Variants in EGF observed in about 807,000 individuals in gnomAD.
The protein encoded by EGF is pro-epidermal growth factor.
In EGF, 95 loss-of-function variants were observed where a neutral mutation model predicts 143.8. The observed-to-expected ratio is 0.66, with a 90% confidence interval of 0.56 to 0.78. The LOEUF is 0.78. EGF is among the 30% of genes least tolerant of loss of function. The probability of loss-of-function intolerance (pLI) is 0.00; values close to 1 mark genes in which losing one functional copy is unlikely to be tolerated. For missense variants in EGF, 1,320 were observed against 1,470.9 expected (o/e 0.90, Z 1.68); for synonymous variants, 510 against 510.5 (o/e 1.00, Z 0.01).
intron 18 of EGF, 35 bp from the exon 19 acceptor site, chr4:109,993,212 C>T: frequency 2.5e-6 from 4 of 1,612,186 alleles, no homozygotes; most frequent in South Asian, 1.1e-5. Flanking sequence ...TTCTGTACCC[C>T]ACTTTTCTCT....
chr4:110,007,837 T>C (rs933361079), intron 22 of EGF, among the ~76,000 whole-genome samples: 1 of 152,226 alleles, frequency 6.6e-6, no homozygotes, highest in Non-Finnish European at 1.5e-5. Context: ...AGAATACTTA[T>C]GGATTCTTGG....
chr4:109,933,040 A>C (rs1740067959), intron 1 of EGF, among the ~76,000 whole-genome samples: 1 of 152,202 alleles, frequency 6.6e-6, no homozygotes, highest in African/African-American at 2.4e-5. Flanking sequence ...AAGCAATGGC[A>C]AACGATATAC....
At chr4:109,937,108 G>T (rs113384470) in intron 1 of EGF, among the ~76,000 whole-genome samples, 1 of 151,508 alleles carries the variant, frequency 6.6e-6, no homozygotes, top group Non-Finnish European at 1.5e-5. Context: ...TTTCTTTCTC[G>T]TTGGTCTAAT....
At chr4:109,938,430 G>A (rs1741269271) in intron 1 of EGF, among the ~76,000 whole-genome samples, 1 of 152,038 alleles carries the variant, frequency 6.6e-6, no homozygotes, top group Admixed American at 6.6e-5. Flanking sequence ...TTTTTTCAAG[G>A]TTTTTAGCTT....
chr4:110,004,960 A>G (rs1453574181), intron 22 of EGF, among the ~76,000 whole-genome samples: 1 of 151,318 alleles, frequency 6.6e-6, no homozygotes, highest in Non-Finnish European at 1.5e-5. Context: ...CATTCCAGAT[A>G]CATGTCTTAA....
chr4:109,986,850 C>A (rs1172876237), intron 16 of EGF, among the ~76,000 whole-genome samples: 1 of 152,072 alleles, frequency 6.6e-6, no homozygotes, highest in East Asian at 1.9e-4. Flanking sequence ...CCATTTACTG[C>A]ACTTAACTTG....
chr4:109,942,598 A>G (rs758230495), intron 2 of EGF, among the ~76,000 whole-genome samples: 2 of 152,198 alleles, frequency 1.3e-5, no homozygotes, highest in African/African-American at 4.8e-5. Context: ...TCCATTCCCC[A>G]AGAAGACCAG....
At chr4:110,008,894 A>G (rs1387758771) in intron 23 of EGF, among the ~76,000 whole-genome samples, 1 of 152,216 alleles carries the variant, frequency 6.6e-6, no homozygotes, top group Non-Finnish European at 1.5e-5. Context: ...TTCACAGGCC[A>G]GAGGACATTG....
At chr4:109,988,091 A>G (rs1750408626) in intron 17 of EGF, among the ~76,000 whole-genome samples, 2 of 152,150 alleles carry the variant, frequency 1.3e-5, no homozygotes, top group Admixed American at 1.3e-4. Context: ...TACACAATAT[A>G]TGCAGTTGTC....
At chr4:110,001,599 T>C in intron 21 of EGF, 3 of 984,972 alleles carry the variant, frequency 3.0e-6, no homozygotes, top group South Asian at 4.7e-5. Context: ...TTCCTATTTG[T>C]TGTGTTATGA....
At chr4:109,938,409 T>A (rs1013600816) in intron 1 of EGF, among the ~76,000 whole-genome samples, 1 of 152,204 alleles carries the variant, frequency 6.6e-6, no homozygotes, top group African/African-American at 2.4e-5. Flanking sequence ...TAGTTATCCA[T>A]TTGTCTCACC....
In EGF at chr4:109,968,987, C is replaced by A; in HGVS notation, c.1592C>A (p.Thr531Lys). The A allele has an allele frequency of 6.2e-7, 1 of 1,614,092 alleles. No individual in the cohort carries two copies. The highest frequency in any genetic ancestry group is 8.5e-7 in the Non-Finnish European group (1 of 1,179,982). ...CTTTTGTAGATATACTTTGCCCATA[C>A]AGCCCTGAAGTGGATAGAGAGAGCT... ...PVENKIYFAH[T>K]ALKWIERANM... is the part of the protein sequence containing the mutation. The change falls in exon 11 of 24, where the codon ACA (threonine) becomes AAA (lysine). Residue 531 changes from threonine to lysine, a missense_variant. Coordinates refer to ENST00000265171, the MANE Select transcript of EGF (RefSeq NM_001963.6).
intron 1 of EGF, among the ~76,000 whole-genome samples, chr4:109,932,957 C>G (rs1394225641): frequency 6.6e-6 from 1 of 152,162 alleles, no homozygotes; most frequent in Non-Finnish European, 1.5e-5. Context: ...ACAAGTTATA[C>G]CAATGTTCCA....
In EGF at chr4:110,012,571, G is replaced by A. The variant is rs1754091318; in HGVS notation, c.*1116G>A. Among the ~76,000 whole-genome samples, 1 of 151,870 alleles carries A rather than the reference G, an allele frequency of 6.6e-6. No individual in the cohort carries two copies. The highest frequency in any genetic ancestry group is 2.1e-4 in the South Asian group (1 of 4,798). ...TTATTTTTATTTTTTGTAGACATGG[G>A]GATCACACAATGTTGCCCAGGCTGG... On this transcript the variant is annotated 3_prime_UTR_variant, in exon 24 of 24. Transcript: ENST00000265171.
chr4:110,006,183 TA>T (rs11287078), intron 22 of EGF, among the ~76,000 whole-genome samples: 39,465 of 147,722 alleles, frequency 0.27, 9,804 homozygotes, highest in African/African-American at 0.62. Flanking sequence ...TTAAAAAGAT[TA>T]AAAAAAAAAA....
chr4:109,999,530 T>A, intron 20 of EGF, 149 bp from the exon 21 acceptor site: 1 of 986,790 alleles, frequency 1.0e-6, no homozygotes, highest in South Asian at 1.4e-5. Context: ...CATAGCGCTT[T>A]CAACTGACCC....
chr4:109,944,116 C>T lies in EGF; in HGVS notation c.737+47C>T. 1.9e-6 allele frequency: 3 copies of T among 1,551,602 alleles called. No homozygotes were observed. In the South Asian group the frequency reaches 3.4e-5, roughly 18 times the overall value. On this transcript the variant is annotated intron_variant, in intron 4 of 23. Transcript: ENST00000265171. ...AAATAAAACAATTGTCATTTGAAGT[C>T]CACAAGATAAATTAATTTTACTTTT...
intron 14 of EGF, 83 bp from the exon 15 acceptor site, chr4:109,980,743 C>T (rs1560730248): frequency 4.5e-6 from 7 of 1,547,190 alleles, no homozygotes; most frequent in Non-Finnish European, 4.5e-6. Flanking sequence ...CTATAGCTCC[C>T]TAAAAGCAAG....
At chr4:109,990,611 C>T (rs1482429199) in intron 18 of EGF, among the ~76,000 whole-genome samples, 1 of 152,166 alleles carries the variant, frequency 6.6e-6, no homozygotes, top group Non-Finnish European at 1.5e-5. Flanking sequence ...ATATCCTAGA[C>T]TGGATGGCCT....
Sources: allele counts gnomAD v4.1 joint callset (sites outside exome capture counted in the v4.1 genomes callset), GRCh38; gene constraint gnomAD v4.1.1; transcripts MANE v1.5; gene names NCBI Gene and HGNC (gene_info 2026-07-23, HGNC 2026-07-21).